The following ARHGAP26 variants were observed in gnomAD, a reference collection of about 807,000 sequenced individuals.
ARHGAP26 encodes Rho GTPase activating protein 26.
A neutral mutation model predicts 104.8 loss-of-function variants in ARHGAP26; 38 were observed. That is an observed-to-expected ratio of 0.36 (90% CI 0.28 to 0.48). The LOEUF is 0.48. Ranked by LOEUF, ARHGAP26 falls within the 20% of genes least tolerant of loss-of-function variation. ARHGAP26 has a pLI of 0.99. For missense variants in ARHGAP26, 704 were observed against 947.9 expected (o/e 0.74, Z 3.38); for synonymous variants, 341 against 340.0 (o/e 1.00, Z -0.03).
chr5:143,049,073 ACTT>A (rs1316754915), intron 14 of ARHGAP26, among the ~76,000 whole-genome samples: 2 of 152,130 alleles, frequency 1.3e-5, no homozygotes, highest in African/African-American at 4.8e-5. Flanking sequence ...CCTTTCCACT[ACTT>A]TTATATATCA....
At chr5:142,791,307 G>C (rs1177656757) in intron 1 of ARHGAP26, among the ~76,000 whole-genome samples, 1 of 152,176 alleles carries the variant, frequency 6.6e-6, no homozygotes, top group Non-Finnish European at 1.5e-5. Flanking sequence ...TCAGAACTAA[G>C]TGTAGATTAA....
At chr5:143,126,539 A>C (rs1323114108) in intron 18 of ARHGAP26, among the ~76,000 whole-genome samples, 1 of 152,230 alleles carries the variant, frequency 6.6e-6, no homozygotes, top group Non-Finnish European at 1.5e-5. Context: ...ATAACACAAT[A>C]GAGTTAACCA....
chr5:143,166,222 G>T, intron 20 of ARHGAP26: 1 of 587,884 alleles, frequency 1.7e-6, no homozygotes. Flanking sequence ...AAAGCTCTCT[G>T]AGTAGCCGGA....
chr5:143,199,864 G>A (rs1010849548), intron 20 of ARHGAP26, among the ~76,000 whole-genome samples: 10 of 152,200 alleles, frequency 6.6e-5, no homozygotes, highest in African/African-American at 2.4e-4. Flanking sequence ...CTTCATCCTT[G>A]TTTTGAAAGT....
At chr5:143,179,183 A>G (rs772942884) in intron 20 of ARHGAP26, among the ~76,000 whole-genome samples, 2 of 152,138 alleles carry the variant, frequency 1.3e-5, no homozygotes, top group Non-Finnish European at 2.9e-5. Context: ...ATCATGTATC[A>G]TGATAAATAC....
At chr5:142,771,560 G>T (rs1022515428) in intron 1 of ARHGAP26, among the ~76,000 whole-genome samples, 2 of 152,172 alleles carry the variant, frequency 1.3e-5, no homozygotes, top group African/African-American at 2.4e-5. Context: ...ATAGGGGTGG[G>T]AGTAGAGAAT....
intron 1 of ARHGAP26, among the ~76,000 whole-genome samples, chr5:142,784,624 A>G (rs1231894036): frequency 1.3e-5 from 2 of 152,334 alleles, no homozygotes; most frequent in East Asian, 3.9e-4. Context: ...TGCCGTCTCA[A>G]TCAGCCATAT....
chr5:142,921,017 A>T (rs971028521), intron 10 of ARHGAP26, among the ~76,000 whole-genome samples: 4 of 152,226 alleles, frequency 2.6e-5, no homozygotes, highest in Non-Finnish European at 5.9e-5. Flanking sequence ...TATAAAGTTT[A>T]CAAATCTGTA....
chr5:142,907,546 C>A, intron 8 of ARHGAP26, 158 bp from the exon 9 acceptor site: 1 of 385,620 alleles, frequency 2.6e-6, no homozygotes, highest in East Asian at 3.9e-5. Flanking sequence ...AGATTTCTGT[C>A]TATTCATTCT....
At chr5:142,833,700 A>G (rs10214251) in intron 1 of ARHGAP26, among the ~76,000 whole-genome samples, 5,353 of 152,262 alleles carry the variant, frequency 0.035, 321 homozygotes, top group African/African-American at 0.12. Flanking sequence ...TGGCTTTGGC[A>G]TTAGGGGCGG....
intron 11 of ARHGAP26, among the ~76,000 whole-genome samples, chr5:142,959,031 G>C (rs757743590): frequency 2.0e-5 from 3 of 151,992 alleles, no homozygotes; most frequent in Non-Finnish European, 4.4e-5. Context: ...AGCTTGAGAA[G>C]ACCTTAATAG....
intron 17 of ARHGAP26, among the ~76,000 whole-genome samples, chr5:143,094,867 G>A (rs1294361302): frequency 1.3e-5 from 2 of 152,116 alleles, no homozygotes; most frequent in Non-Finnish European, 2.9e-5. Flanking sequence ...TCGGGGTGGA[G>A]CAGGTAATCG....
At position 142,981,054 on chromosome 5, in the gene ARHGAP26, G is replaced by A. The variant is rs1368130896; in HGVS notation, c.1108-33026G>A. Among the ~76,000 whole-genome samples the A allele has an allele frequency of 2.6e-5, 4 of 152,194 alleles. No individual in the cohort carries two copies. In the East Asian group the frequency reaches 7.7e-4, roughly 29 times the overall value. On this transcript the variant is annotated intron_variant, in intron 11 of 22. Transcript: ENST00000645722. ...TGAGAAATACCAGTACCATCTTTTG[G>A]CCATGTTTTCATTGCAAATGTATCC...
chr5:143,130,042 A>G (rs1269675451), intron 18 of ARHGAP26, among the ~76,000 whole-genome samples: 1 of 152,190 alleles, frequency 6.6e-6, no homozygotes, highest in Non-Finnish European at 1.5e-5. Context: ...ATGTGATGAT[A>G]TGGCAGTGAT....
chr5:143,195,706 A>G (rs1315764427), intron 20 of ARHGAP26, among the ~76,000 whole-genome samples: 1 of 152,222 alleles, frequency 6.6e-6, no homozygotes, highest in African/African-American at 2.4e-5. Context: ...TGTATTATGC[A>G]ACCTAAACCG....
chr5:143,175,151 ACT>A (rs1403080260), intron 20 of ARHGAP26, among the ~76,000 whole-genome samples: 1 of 152,196 alleles, frequency 6.6e-6, no homozygotes, highest in African/African-American at 2.4e-5. Flanking sequence ...CTAAGGGCTA[ACT>A]CTTACTTTTT....
chr5:143,225,588 C>T lies in ARHGAP26; in HGVS notation c.*3142C>T, dbSNP rs562805485. ...AGATCCTTGCTTTGGGGGTGCCTCA[C>T]GAAGCATCCCTGTAGACATTTGGCC... On this transcript the variant is annotated 3_prime_UTR_variant, in exon 23 of 23. Coordinates refer to ENST00000645722, the MANE Select transcript of ARHGAP26 (RefSeq NM_001135608.3). 46 of 214,948 alleles carry T rather than the reference C, an allele frequency of 2.1e-4. No individual in the cohort carries two copies. The highest frequency in any genetic ancestry group is 1.4e-3 in the Middle Eastern group (1 of 700). 13.3% of individuals were successfully genotyped at this position (214,948 alleles called of 1,614,324 possible).
rs565215201 is a variant in ARHGAP26, at chr5:142,910,596, G to A, written c.934-2603G>A. Among the ~76,000 whole-genome samples the A allele has an allele frequency of 6.6e-5, 10 of 152,238 alleles. No homozygotes were observed. In the South Asian group the frequency reaches 1.0e-3, roughly 16 times the overall value. On this transcript the variant is annotated intron_variant, in intron 9 of 22. Coordinates refer to ENST00000645722, the MANE Select transcript of ARHGAP26 (RefSeq NM_001135608.3). Reference sequence around the variant, plus strand: ...TCTAATGAAAATACAAAAATTAGCCGGGTGCAGTGGCGCATGCCTGTAATC... The same window carrying A: ...TCTAATGAAAATACAAAAATTAGCCAGGTGCAGTGGCGCATGCCTGTAATC...
chr5:143,142,150 T>TG (rs1439531847), intron 19 of ARHGAP26, among the ~76,000 whole-genome samples: 1 of 147,222 alleles, frequency 6.8e-6, no homozygotes, highest in Non-Finnish European at 1.5e-5. Flanking sequence ...TTTTTTTTTT[T>TG]TTTTTTGAGA....
Sources: gnomAD v4.1 joint callset for allele counts (sites outside exome capture counted in the v4.1 genomes callset) on GRCh38, gnomAD v4.1.1 for gene constraint, MANE v1.5 for transcripts, NCBI Gene and HGNC (gene_info 2026-07-23, HGNC 2026-07-21) for gene names.